FYN: variants seen among roughly 807,000 people sequenced by gnomAD.
FYN encodes tyrosine-protein kinase Fyn.
Under a neutral mutation model 70.2 loss-of-function variants are expected in FYN, and 10 were observed. The ratio of observed to expected loss-of-function variants is 0.14; its 90% confidence interval spans 0.09 to 0.24. The LOEUF (loss-of-function observed/expected upper bound fraction) is 0.24, where lower values mean the gene tolerates loss of function less well. Among genes scored for constraint, FYN ranks in the 10% least tolerant of loss-of-function variants. The pLI, the probability that FYN is intolerant of heterozygous loss-of-function variation, is 1.00. For synonymous variants in FYN, 236 were observed against 248.6 expected, an observed-to-expected ratio of 0.95 and a Z score of 0.48; for missense variants, 319 against 673.1, an observed-to-expected ratio of 0.47 and a Z score of 5.82.
intron 13 of FYN, among the ~76,000 whole-genome samples, chr6:111,664,843 G>A (rs1797926437): frequency 6.6e-6 from 1 of 152,166 alleles, no homozygotes; most frequent in Admixed American, 6.5e-5. Context: ...TACCAATGAG[G>A]GCTTTGCCAG....
intron 3 of FYN, among the ~76,000 whole-genome samples, chr6:111,766,703 G>A (rs1803240770): frequency 1.3e-5 from 2 of 152,130 alleles, no homozygotes; most frequent in African/African-American, 4.8e-5. Context: ...AGCAAAGAGG[G>A]AAAAGCCCCT....
chr6:111,743,977 GCAGT>G (rs1258849063), intron 3 of FYN, among the ~76,000 whole-genome samples: 3 of 152,224 alleles, frequency 2.0e-5, no homozygotes, highest in Non-Finnish European at 2.9e-5. Context: ...AGCTGTCTTT[GCAGT>G]CAGCTTCTGA....
At position 111,780,625 on chromosome 6, in the gene FYN, C is replaced by G. The variant is rs977925115; in HGVS notation, c.-71G>C. ...CACCACATGTCTTCTACAACAGAGG[C>G]AGGACTGGTCCTGAAAAACAATACC... On this transcript the variant is annotated 5_prime_UTR_variant, in exon 3 of 14. Coordinates refer to ENST00000354650, the MANE Select transcript of FYN (RefSeq NM_002037.5). 1 of 152,596 alleles carries G rather than the reference C, an allele frequency of 6.6e-6. No individual in the cohort carries two copies. The highest frequency in any genetic ancestry group is 1.5e-5 in the Non-Finnish European group (1 of 68,040). The allele number at this position is 152,596 out of a possible 1,614,324, so 9.5% of individuals were successfully genotyped here.
chr6:111,676,891 T>C (rs1202159098), intron 12 of FYN, among the ~76,000 whole-genome samples: 2 of 152,166 alleles, frequency 1.3e-5, no homozygotes, highest in African/African-American at 4.8e-5. Context: ...TTCCAAGGGA[T>C]TTCATAATTT....
intron 3 of FYN, among the ~76,000 whole-genome samples, chr6:111,725,048 CAGGAATAGCATT>C (rs66972222): frequency 0.26 from 39,033 of 151,852 alleles, 6,251 homozygotes; most frequent in African/African-American, 0.44. Flanking sequence ...TTTCAGTCAG[CAGGAATAGCATT>C]AGGAAAAGGA....
rs1398755696 is a variant in FYN, at chr6:111,660,334, C to A, written c.*1405G>T. On this transcript the variant is annotated 3_prime_UTR_variant, in exon 14 of 14. Transcript: ENST00000354650. ...TAAACAAATAAACAAAAAAAAAATT[C>A]AAATGTAAAATGCTCTCTTTTTAAT... 1 of 151,958 alleles carries A rather than the reference C, an allele frequency of 6.6e-6. No homozygotes were observed. The highest frequency in any genetic ancestry group is 1.5e-5 in the Non-Finnish European group (1 of 67,970). The allele number at this position is 151,958 out of a possible 1,614,324, so 9.4% of individuals were successfully genotyped here.
chr6:111,781,384 G>A (rs1771165697), intron 2 of FYN, among the ~76,000 whole-genome samples: 1 of 152,152 alleles, frequency 6.6e-6, no homozygotes, highest in Non-Finnish European at 1.5e-5. Context: ...CATCATGCCT[G>A]GCATACACTG....
chr6:111,718,854 T>C (rs1800794291), intron 4 of FYN, among the ~76,000 whole-genome samples: 1 of 152,196 alleles, frequency 6.6e-6, no homozygotes, highest in Non-Finnish European at 1.5e-5. Flanking sequence ...GAGAAGTAGA[T>C]AATGTCCAAA....
chr6:111,701,670 A>T (rs1046411445), intron 8 of FYN, among the ~76,000 whole-genome samples: 2 of 152,184 alleles, frequency 1.3e-5, no homozygotes, highest in Non-Finnish European at 2.9e-5. Flanking sequence ...AAATGATCCA[A>T]ACCCTGGGGA....
At chr6:111,816,398 C>T (rs1183414216) in intron 2 of FYN, among the ~76,000 whole-genome samples, 1 of 152,144 alleles carries the variant, frequency 6.6e-6, no homozygotes, top group Non-Finnish European at 1.5e-5. Context: ...ATACAATATC[C>T]TTTCAGTGAG....
chr6:111,804,364 C>T (rs1772084074), intron 2 of FYN, among the ~76,000 whole-genome samples: 1 of 152,142 alleles, frequency 6.6e-6, no homozygotes, highest in African/African-American at 2.4e-5. Context: ...TCCTTTCTTC[C>T]CAGGTGGATG....
intron 1 of FYN, among the ~76,000 whole-genome samples, chr6:111,872,014 T>C (rs1204628156): frequency 6.6e-6 from 1 of 152,214 alleles, no homozygotes; most frequent in Non-Finnish European, 1.5e-5. Flanking sequence ...GCATCGTGCC[T>C]ATCCTAGGGT....
chr6:111,680,504 C>T (rs879797309), intron 12 of FYN, among the ~76,000 whole-genome samples: 5 of 152,214 alleles, frequency 3.3e-5, no homozygotes, highest in Admixed American at 3.3e-4. Context: ...CGATGACTTC[C>T]CACGTCGTTC....
intron 12 of FYN, among the ~76,000 whole-genome samples, chr6:111,682,545 T>G (rs706862): frequency 2.0e-5 from 3 of 152,236 alleles, no homozygotes; most frequent in Admixed American, 2.0e-4. Context: ...CAATGAAGAC[T>G]GCAGATACTT....
At chr6:111,663,888 G>A (rs1469986812) in intron 13 of FYN, among the ~76,000 whole-genome samples, 2 of 152,160 alleles carry the variant, frequency 1.3e-5, no homozygotes, top group African/African-American at 4.8e-5. Context: ...GGGAATGAAA[G>A]GCAGCCTCCT....
intron 2 of FYN, among the ~76,000 whole-genome samples, chr6:111,836,698 G>T (rs1773198967): frequency 6.6e-6 from 1 of 152,146 alleles, no homozygotes; most frequent in African/African-American, 2.4e-5. Context: ...GGAGGTTGAG[G>T]CTGCAGTGAA....
intron 2 of FYN, among the ~76,000 whole-genome samples, chr6:111,795,888 T>C (rs1771788931): frequency 1.3e-5 from 2 of 152,226 alleles, no homozygotes; most frequent in African/African-American, 2.4e-5. Context: ...TCTATTTCTA[T>C]ATTCCTGAGA....
At chr6:111,752,663 C>CCT (rs1200733392) in intron 3 of FYN, among the ~76,000 whole-genome samples, 1 of 152,130 alleles carries the variant, frequency 6.6e-6, no homozygotes, top group East Asian at 1.9e-4. Flanking sequence ...GGCAGTGGCT[C>CCT]CTCTGATCAG....
chr6:111,688,223 C>T (rs1251871445), intron 12 of FYN, among the ~76,000 whole-genome samples: 4 of 152,184 alleles, frequency 2.6e-5, no homozygotes, highest in African/African-American at 7.2e-5. Flanking sequence ...GGGGCCAGAA[C>T]TTATGCTCTA....
Sources: gnomAD v4.1 joint callset for allele counts (sites outside exome capture counted in the v4.1 genomes callset) on GRCh38, gnomAD v4.1.1 for gene constraint, MANE v1.5 for transcripts, NCBI Gene and HGNC (gene_info 2026-07-23, HGNC 2026-07-21) for gene names.